ME1: variants seen among roughly 807,000 people sequenced by gnomAD.
The protein encoded by ME1 is NADP-dependent malic enzyme.
In ME1, 74 loss-of-function variants were observed where a neutral mutation model predicts 66.4. The observed-to-expected ratio is 1.11, with a 90% CI of 0.92 to 1.35. The LOEUF (loss-of-function observed/expected upper bound fraction) is 1.35. ME1 is among the 40% of genes most tolerant of loss of function. The pLI is 0.00. For synonymous variants in ME1, 251 were observed against 235.6 expected (o/e 1.07, Z -0.60); for missense variants, 750 against 694.1 (o/e 1.08, Z -0.90).
At position 83,283,248 on chromosome 6, in the gene ME1, A is replaced by G. The variant is rs865925393; in HGVS notation, c.705-29510T>C. Among the ~76,000 whole-genome samples, 24 of 139,658 alleles carry G rather than the reference A, an allele frequency of 1.7e-4. 1 individual carries two copies. The highest frequency in any genetic ancestry group is 4.3e-4 in the African/African-American group (15 of 35,100). The allele number at this position is 139,658 out of a possible 152,430, so 91.6% of individuals were successfully genotyped here. On this transcript the variant is annotated intron_variant, in intron 6 of 13. Coordinates refer to ENST00000369705, the MANE Select transcript of ME1 (RefSeq NM_002395.6). ...GTCTCAAAAAAAAAAAAAAAAAAAA[A>G]TGATGAGTTCATGTCCTTTGCAGGG...
At chr6:83,234,375 C>T (rs1482798307) in intron 9 of ME1, among the ~76,000 whole-genome samples, 1 of 152,170 alleles carries the variant, frequency 6.6e-6, no homozygotes, top group East Asian at 1.9e-4. Context: ...TCCTCTGTAT[C>T]AGTCCCGTAT....
Position 83,288,279 on chromosome 6 carries a change from C to T in ME1, c.704+27031G>A, listed in dbSNP as rs569824744. On this transcript the variant is annotated intron_variant, in intron 6 of 13. Coordinates refer to ENST00000369705, the MANE Select transcript of ME1 (RefSeq NM_002395.6). ...CCTAGGTTTTCTTCTAGGATTTTTA[C>T]AGTCCTAGGTCTTACATTTAAGTCT... Among the ~76,000 whole-genome samples the T allele has an allele frequency of 4.0e-4, 61 of 151,844 alleles. 1 individual carries two copies. The South Asian group carries it at 0.012, about 31-fold the overall frequency.
chr6:83,285,416 T>TA (rs969949881), intron 6 of ME1, among the ~76,000 whole-genome samples: 11 of 152,216 alleles, frequency 7.2e-5, no homozygotes, highest in Admixed American at 4.6e-4. Flanking sequence ...AAAATAGACA[T>TA]AAAAAATCCC....
At chr6:83,372,689 T>C (rs1769211518) in intron 3 of ME1, among the ~76,000 whole-genome samples, 1 of 152,220 alleles carries the variant, frequency 6.6e-6, no homozygotes, top group African/African-American at 2.4e-5. Context: ...GTTTTTCACA[T>C]ATTCCTGTTA....
At chr6:83,259,290 G>T (rs1165277773) in intron 6 of ME1, among the ~76,000 whole-genome samples, 13 of 152,066 alleles carry the variant, frequency 8.5e-5, no homozygotes, top group Admixed American at 2.6e-4. Context: ...CATGGATCTT[G>T]CCCTGGAAAT....
intron 5 of ME1, among the ~76,000 whole-genome samples, chr6:83,316,945 G>A (rs1484316259): frequency 6.6e-6 from 1 of 151,320 alleles, no homozygotes; most frequent in Non-Finnish European, 1.5e-5. Context: ...GGAATAACCT[G>A]CAAAAAATAA....
rs113962541 is a variant in ME1, at chr6:83,220,916, T to G, written c.1449+2844A>C. 1.6e-3 allele frequency among the ~76,000 whole-genome samples: 251 copies of G among 152,294 alleles called. 1 individual carries two copies. The highest frequency in any genetic ancestry group is 5.8e-3 in the African/African-American group (240 of 41,564). ...TGGCTCATGCCTATAATCCCAGCAC[T>G]TTGGGAGGCCGAGTCAGGCTGATCA... On this transcript the variant is annotated intron_variant, in intron 12 of 13. Coordinates refer to ENST00000369705, the MANE Select transcript of ME1 (RefSeq NM_002395.6).
At chr6:83,424,323 G>A (rs1468050449) in intron 1 of ME1, among the ~76,000 whole-genome samples, 1 of 151,782 alleles carries the variant, frequency 6.6e-6, no homozygotes, top group Admixed American at 6.6e-5. Flanking sequence ...ATAATCACCA[G>A]ACCAAGTACT....
intron 1 of ME1, among the ~76,000 whole-genome samples, chr6:83,425,862 T>C (rs1770361142): frequency 1.3e-5 from 2 of 152,216 alleles, no homozygotes; most frequent in South Asian, 2.1e-4. Context: ...TTCATTATTA[T>C]ATTACCTGAC....
At chr6:83,366,052 C>G (rs192058267) in intron 3 of ME1, among the ~76,000 whole-genome samples, 285 of 152,288 alleles carry the variant, frequency 1.9e-3, no homozygotes, top group Middle Eastern at 3.4e-3. Flanking sequence ...TTGCTCCAAT[C>G]CTTGGACTCA....
chr6:83,231,279 T>C (rs1434251985), intron 9 of ME1, among the ~76,000 whole-genome samples: 1 of 152,060 alleles, frequency 6.6e-6, no homozygotes, highest in Non-Finnish European at 1.5e-5. Context: ...TCCTAGACAC[T>C]GAAGCCAGAA....
intron 1 of ME1, among the ~76,000 whole-genome samples, chr6:83,427,722 C>A (rs940743638): frequency 2.0e-5 from 3 of 151,958 alleles, no homozygotes; most frequent in Non-Finnish European, 4.4e-5. Context: ...AAAAAAAATA[C>A]AACTTATGGC....
At chr6:83,257,157 A>G (rs898488060) in intron 6 of ME1, among the ~76,000 whole-genome samples, 1 of 152,056 alleles carries the variant, frequency 6.6e-6, no homozygotes, top group African/African-American at 2.4e-5. Flanking sequence ...AAACCTGCAC[A>G]TTTAGCACAT....
intron 6 of ME1, among the ~76,000 whole-genome samples, chr6:83,279,606 A>AAG (rs1331919591): frequency 1.3e-5 from 2 of 152,162 alleles, no homozygotes; most frequent in African/African-American, 2.4e-5. Context: ...AAAGAGAAAA[A>AAG]AGAGAGAGAG....
intron 3 of ME1, among the ~76,000 whole-genome samples, chr6:83,378,362 A>T (rs1161198519): frequency 6.6e-6 from 1 of 152,202 alleles, no homozygotes; most frequent in East Asian, 1.9e-4. Flanking sequence ...AGAGGAATTT[A>T]TCAAATGGGT....
In ME1 at chr6:83,216,564, C is replaced by T. The variant is rs1789998618; in HGVS notation, c.1482G>A (p.Leu494=). The T allele has an allele frequency of 3.7e-6, 6 of 1,610,460 alleles. No homozygotes were observed. Among genetic ancestry groups the T allele is most frequent in the Non-Finnish European group, 5.1e-6 (6 of 1,179,254 alleles). Residue 494 remains leucine (L), a synonymous_variant, in exon 13 of 14, where the codon TTG becomes TTA. Transcript: ENST00000369705. ...VIAQQVSDKH[L]EEGRLYPPLN... Reference sequence around the variant, plus strand: ...AAGGAGGATAAAGCCGACCCTCTTCCAAGTGTTTATCTGACACTTGCTGAG... The same window carrying T: ...AAGGAGGATAAAGCCGACCCTCTTCTAAGTGTTTATCTGACACTTGCTGAG...
At chr6:83,417,406 A>C (rs1468642445) in intron 1 of ME1, among the ~76,000 whole-genome samples, 2 of 151,388 alleles carry the variant, frequency 1.3e-5, no homozygotes, top group Admixed American at 6.6e-5. Context: ...TTTGAGACGG[A>C]GTCTCACTTT....
intron 3 of ME1, among the ~76,000 whole-genome samples, chr6:83,359,025 G>A (rs577196791): frequency 4.3e-4 from 66 of 152,138 alleles, no homozygotes; most frequent in African/African-American, 1.1e-3. Context: ...AGGCAGAGGC[G>A]CTCCTCACTT....
chr6:83,396,462 A>G (rs1016556438), intron 3 of ME1, among the ~76,000 whole-genome samples: 6 of 152,192 alleles, frequency 3.9e-5, no homozygotes, highest in African/African-American at 1.4e-4. Flanking sequence ...AACATTGATG[A>G]AAAAAATTTA....
Sources: gnomAD v4.1 joint callset for allele counts (sites outside exome capture counted in the v4.1 genomes callset) on GRCh38, gnomAD v4.1.1 for gene constraint, MANE v1.5 for transcripts, NCBI Gene and HGNC (gene_info 2026-07-23, HGNC 2026-07-21) for gene names.